CTNND1: variants seen among roughly 807,000 people sequenced by gnomAD.
The protein encoded by CTNND1 is catenin delta 1.
A neutral mutation model predicts 112.1 loss-of-function variants in CTNND1; 16 were observed. That is an observed-to-expected ratio of 0.14 (90% confidence interval 0.10 to 0.22). CTNND1 has a LOEUF of 0.22. CTNND1 is among the 10% of genes least tolerant of loss of function. The pLI is 1.00. For missense variants in CTNND1, 1,008 were observed against 1,257.0 expected, an observed-to-expected ratio of 0.80 and a Z score of 3.00; for synonymous variants, 420 against 446.5, an observed-to-expected ratio of 0.94 and a Z score of 0.75.
intron 1 of CTNND1, among the ~76,000 whole-genome samples, chr11:57,775,509 A>G (rs1953992408): frequency 1.3e-5 from 2 of 152,308 alleles, no homozygotes; most frequent in Non-Finnish European, 2.9e-5. Flanking sequence ...GGTTATGCCA[A>G]CACTTAGCAT....
chr11:57,810,605 A>ATG (rs2063223299), intron 16 of CTNND1, among the ~76,000 whole-genome samples: 1 of 152,032 alleles, frequency 6.6e-6, no homozygotes, highest in African/African-American at 2.4e-5. Flanking sequence ...GATTACAGGC[A>ATG]TGAGCCATCA....
In CTNND1 at chr11:57,818,673, G is replaced by T. The variant is rs909634243; in HGVS notation, c.*2365G>T. On this transcript the variant is annotated 3_prime_UTR_variant, in exon 21 of 21. Transcript: ENST00000399050. ...TTCTTAAAAATTGAATGTGGCTGAA[G>T]TTGAACATGGGAGCTTATTGCTAAT... 6.6e-6 allele frequency: 1 copy of T among 152,194 alleles called. No individual in the cohort carries two copies. The highest frequency in any genetic ancestry group is 2.4e-5 in the African/African-American group (1 of 41,462). 9.4% of individuals were successfully genotyped at this position (152,194 alleles called of 1,614,324 possible).
rs554102105 is a variant in CTNND1 at position 57,818,962 on chromosome 11, G to C, written c.*2654G>C. 1 of 152,316 alleles carries C rather than the reference G, an allele frequency of 6.6e-6. No individual in the cohort carries two copies. The highest frequency in any genetic ancestry group is 2.1e-4 in the South Asian group (1 of 4,822). 9.4% of individuals were successfully genotyped at this position (152,316 alleles called of 1,614,324 possible). A position where few individuals can be genotyped will look rare whatever the true frequency, so the allele number is the denominator to read the frequency against. ...CAGGCTATATGCAGTCCTTTAGTCA[G>C]AAGTCAATAGGCCTATTTATTAATA... On this transcript the variant is annotated 3_prime_UTR_variant, in exon 21 of 21. Coordinates refer to ENST00000399050, the MANE Select transcript of CTNND1 (RefSeq NM_001085458.2).
chr11:57,799,979 GTTTTTTTTTTTT>G (rs1157141511), intron 6 of CTNND1, among the ~76,000 whole-genome samples: 3 of 58,834 alleles, frequency 5.1e-5, no homozygotes, highest in African/African-American at 6.8e-5. Flanking sequence ...TTGTTTCCGT[GTTTTTTTTTTTT>G]TTTTTTTTTT....
At chr11:57,786,308 C>T (rs536192996) in intron 1 of CTNND1, among the ~76,000 whole-genome samples, 117 of 150,910 alleles carry the variant, frequency 7.8e-4, no homozygotes, top group Middle Eastern at 6.9e-3. Context: ...CTGAGGCAGG[C>T]GGATCATGAG....
At chr11:57,785,738 G>A (rs528023610) in intron 1 of CTNND1, among the ~76,000 whole-genome samples, 20 of 151,964 alleles carry the variant, frequency 1.3e-4, no homozygotes, top group Admixed American at 1.3e-3. Flanking sequence ...TAGTAGAGAC[G>A]GGGTTTCACC....
intron 1 of CTNND1, among the ~76,000 whole-genome samples, chr11:57,771,928 TTC>T (rs1478255499): frequency 6.6e-6 from 1 of 151,598 alleles, no homozygotes; most frequent in Non-Finnish European, 1.5e-5. Flanking sequence ...ATCAAAATTT[TTC>T]TTTTTCTTTT....
At chr11:57,801,429 G>A (rs1021802372) in intron 6 of CTNND1, among the ~76,000 whole-genome samples, 4 of 152,188 alleles carry the variant, frequency 2.6e-5, no homozygotes, top group African/African-American at 9.7e-5. Context: ...ATGATAAGTA[G>A]TAAGGATTTG....
chr11:57,796,411 C>A, intron 5 of CTNND1, 46 bp from the exon 6 acceptor site: 1 of 1,474,338 alleles, frequency 6.8e-7, no homozygotes, highest in Non-Finnish European at 9.1e-7. Context: ...AATTTAATTG[C>A]TCACTTCCTT....
At chr11:57,772,096 A>ATT (rs536394341) in intron 1 of CTNND1, among the ~76,000 whole-genome samples, 32,975 of 129,652 alleles carry the variant, frequency 0.25, 5,237 homozygotes, top group East Asian at 0.78. Flanking sequence ...TAATTTTTGT[A>ATT]TTTTTTTTTT....
chr11:57,768,342 G>A (rs1951628574), intron 1 of CTNND1, among the ~76,000 whole-genome samples: 1 of 151,556 alleles, frequency 6.6e-6, no homozygotes, highest in Admixed American at 6.6e-5. Context: ...GTGTCAGTGG[G>A]AGGAAGATAA....
At chr11:57,805,799 A>T in intron 9 of CTNND1, 83 bp from the exon 10 acceptor site, 2 of 1,464,866 alleles carry the variant, frequency 1.4e-6, no homozygotes, top group African/African-American at 1.4e-5. Flanking sequence ...CAACATTTTA[A>T]TACCTGAGTC....
chr11:57,808,315 G>A (rs779548366), intron 13 of CTNND1, 23 bp downstream of exon 13: 10 of 1,601,202 alleles, frequency 6.2e-6, no homozygotes, highest in Non-Finnish European at 7.7e-6. Context: ...AAAGGGATTT[G>A]GAGATGGGAA....
chr11:57,807,072 C>T (rs760974090), intron 12 of CTNND1, 89 bp downstream of exon 12: 67 of 1,006,842 alleles, frequency 6.7e-5, no homozygotes, highest in Non-Finnish European at 8.6e-5. Flanking sequence ...TTATGTAATA[C>T]GTTTATTGTC....
chr11:57,763,196 T>G (rs1950244696), intron 1 of CTNND1, among the ~76,000 whole-genome samples: 1 of 152,188 alleles, frequency 6.6e-6, no homozygotes, highest in Non-Finnish European at 1.5e-5. Context: ...GCAAATACAT[T>G]CTTGCAAAAG....
At chr11:57,776,139 G>GT (rs1402223025) in intron 1 of CTNND1, among the ~76,000 whole-genome samples, 2 of 152,202 alleles carry the variant, frequency 1.3e-5, no homozygotes, top group Non-Finnish European at 2.9e-5. Context: ...AGTGGGGCCA[G>GT]TTGGCACTGT....
At chr11:57,762,323 GAGCAGGTTTGAAAATTTAC>G (rs1950028912) in intron 1 of CTNND1, among the ~76,000 whole-genome samples, 1 of 152,130 alleles carries the variant, frequency 6.6e-6, no homozygotes, top group African/African-American at 2.4e-5. Context: ...AGAGGGGTAA[GAGCAGGTTTGAAAATTTAC>G]ATTTTGGTGT....
chr11:57,812,325 G>T (rs1039702283), intron 17 of CTNND1, among the ~76,000 whole-genome samples: 1 of 152,112 alleles, frequency 6.6e-6, no homozygotes, highest in African/African-American at 2.4e-5. Context: ...TTCAAGATCA[G>T]CCTGGCCAAC....
At chr11:57,782,563 G>A (rs2059689496) in intron 1 of CTNND1, among the ~76,000 whole-genome samples, 1 of 152,202 alleles carries the variant, frequency 6.6e-6, no homozygotes, top group African/African-American at 2.4e-5. Context: ...ATTGGTTATG[G>A]CTCAGCTGGA....
Sources: allele counts gnomAD v4.1 joint callset (sites outside exome capture counted in the v4.1 genomes callset), GRCh38; gene constraint gnomAD v4.1.1; transcripts MANE v1.5; gene names NCBI Gene and HGNC (gene_info 2026-07-23, HGNC 2026-07-21).